Variants in PLEKHB2 observed in about 807,000 individuals in gnomAD.
PLEKHB2 encodes pleckstrin homology domain containing B2.
In PLEKHB2, 31 loss-of-function variants were observed where a neutral mutation model predicts 36.5. The ratio of observed to expected loss-of-function variants is 0.85; its 90% CI spans 0.64 to 1.15. The LOEUF is 1.15. Ranked by LOEUF, PLEKHB2 falls within the 50% of genes most tolerant of loss-of-function variation. The pLI, the probability that PLEKHB2 is intolerant of heterozygous loss-of-function variation, is 0.00. For missense variants in PLEKHB2, 262 were observed against 295.3 expected, an observed-to-expected ratio of 0.89 and a Z score of 0.83; for synonymous variants, 119 against 112.0, an observed-to-expected ratio of 1.06 and a Z score of -0.39.
intron 5 of PLEKHB2, among the ~76,000 whole-genome samples, chr2:131,131,504 C>T (rs1023548526): frequency 6.6e-6 from 1 of 152,158 alleles, no homozygotes; most frequent in Non-Finnish European, 1.5e-5. Context: ...CTGTCTTTAT[C>T]TGTCAGTGAT....
intron 6 of PLEKHB2, among the ~76,000 whole-genome samples, chr2:131,138,036 T>C (rs942788833): frequency 2.0e-5 from 3 of 149,288 alleles, no homozygotes; most frequent in Admixed American, 6.7e-5. Context: ...TTTTTTTTTT[T>C]ACTTCAATCT....
chr2:131,131,709 T>G (rs1271695934), intron 5 of PLEKHB2, among the ~76,000 whole-genome samples: 1 of 151,902 alleles, frequency 6.6e-6, no homozygotes, highest in Non-Finnish European at 1.5e-5. Flanking sequence ...ACAACTTCAT[T>G]CTAAGCTTAC....
At chr2:131,129,339 A>G (rs1218488651) in intron 4 of PLEKHB2, among the ~76,000 whole-genome samples, 2 of 150,420 alleles carry the variant, frequency 1.3e-5, no homozygotes, top group East Asian at 3.9e-4. Flanking sequence ...AAAAAAAAAA[A>G]AAAAAAAAAA....
intron 7 of PLEKHB2, among the ~76,000 whole-genome samples, chr2:131,145,957 T>C (rs1186202438): frequency 2.0e-5 from 3 of 151,286 alleles, no homozygotes; most frequent in Non-Finnish European, 4.4e-5. Flanking sequence ...CCGACGCGGG[T>C]GGATTACGAG....
chr2:131,121,667 A>G (rs1196357722), intron 2 of PLEKHB2, among the ~76,000 whole-genome samples: 1 of 152,206 alleles, frequency 6.6e-6, no homozygotes, highest in Non-Finnish European at 1.5e-5. Context: ...GCAGTGACTC[A>G]GATTCTCAAA....
chr2:131,118,118 T>C (rs1242046789), intron 1 of PLEKHB2, among the ~76,000 whole-genome samples: 2 of 152,178 alleles, frequency 1.3e-5, no homozygotes. Context: ...TGAGCTCTGC[T>C]GTCTCTGCGT....
intron 4 of PLEKHB2, 92 bp downstream of exon 4, chr2:131,126,878 T>G: frequency 1.4e-6 from 1 of 732,616 alleles, no homozygotes; most frequent in South Asian, 1.6e-5. Flanking sequence ...GCGTGGAGTT[T>G]TCTTTCAGGC....
At chr2:131,144,387 T>G (rs1298664782) in intron 7 of PLEKHB2, 33 of 1,212,868 alleles carry the variant, frequency 2.7e-5, no homozygotes, top group Non-Finnish European at 3.3e-5. Context: ...TTGGTTGGAG[T>G]CTTCTATTTC....
chr2:131,106,089 G>T (rs1418545593), intron 1 of PLEKHB2, among the ~76,000 whole-genome samples: 1 of 152,124 alleles, frequency 6.6e-6, no homozygotes, highest in Non-Finnish European at 1.5e-5. Flanking sequence ...GTTTGATTCT[G>T]TTACTCAACT....
At chr2:131,121,997 CA>C (rs1228182312) in intron 2 of PLEKHB2, among the ~76,000 whole-genome samples, 4 of 152,160 alleles carry the variant, frequency 2.6e-5, no homozygotes, top group Non-Finnish European at 5.9e-5. Context: ...CTCCCAGGTT[CA>C]AGTAATTCTC....
intron 6 of PLEKHB2, among the ~76,000 whole-genome samples, chr2:131,139,032 G>A (rs2104951674): frequency 6.6e-6 from 1 of 152,350 alleles, no homozygotes; most frequent in Middle Eastern, 3.4e-3. Flanking sequence ...GCTGATGTGA[G>A]GCTGAAGGCT....
chr2:131,119,544 T>G (rs964762957), intron 1 of PLEKHB2, among the ~76,000 whole-genome samples: 3 of 152,274 alleles, frequency 2.0e-5, no homozygotes, highest in Non-Finnish European at 4.4e-5. Flanking sequence ...CCGCGAGTGT[T>G]TATATATATA....
chr2:131,114,589 T>C (rs1293106304), intron 1 of PLEKHB2, among the ~76,000 whole-genome samples: 1 of 152,214 alleles, frequency 6.6e-6, no homozygotes, highest in Non-Finnish European at 1.5e-5. Context: ...TGCTTCTTCT[T>C]GAAGGCTTTG....
intron 6 of PLEKHB2, among the ~76,000 whole-genome samples, chr2:131,133,992 T>C (rs1004971336): frequency 9.1e-5 from 13 of 143,132 alleles, no homozygotes; most frequent in Non-Finnish European, 1.7e-4. Context: ...CTCCGCCTCC[T>C]GGGTTCTCGG....
chr2:131,106,360 G>A (rs1694733671), intron 1 of PLEKHB2, among the ~76,000 whole-genome samples: 1 of 152,136 alleles, frequency 6.6e-6, no homozygotes, highest in African/African-American at 2.4e-5. Flanking sequence ...ATATTCCAAG[G>A]TCTTCTGTGG....
chr2:131,107,216 T>C (rs1336980229), intron 1 of PLEKHB2, among the ~76,000 whole-genome samples: 2 of 152,240 alleles, frequency 1.3e-5, no homozygotes, highest in Non-Finnish European at 2.9e-5. Flanking sequence ...TTAAAAATGC[T>C]CCCAAAGTGG....
intron 4 of PLEKHB2, among the ~76,000 whole-genome samples, chr2:131,127,825 T>C (rs1371459784): frequency 6.6e-6 from 1 of 152,238 alleles, no homozygotes; most frequent in Non-Finnish European, 1.5e-5. Context: ...TGATTAAGTG[T>C]AAGTTACTTT....
At chr2:131,125,690 TGG>T (rs1697014371) in intron 2 of PLEKHB2, 61 bp from the exon 3 acceptor site, 1 of 1,431,728 alleles carries the variant, frequency 7.0e-7, no homozygotes, top group Non-Finnish European at 9.5e-7. Context: ...CATTCCAACT[TGG>T]GCGAAATAGT....
chr2:131,115,000 A>G (rs1695709645), intron 1 of PLEKHB2, among the ~76,000 whole-genome samples: 1 of 152,220 alleles, frequency 6.6e-6, no homozygotes, highest in African/African-American at 2.4e-5. Context: ...TCACGCTGCT[A>G]ATAAAGATAT....
Sources: gnomAD v4.1 joint callset for allele counts (sites outside exome capture counted in the v4.1 genomes callset) on GRCh38, gnomAD v4.1.1 for gene constraint, MANE v1.5 for transcripts, NCBI Gene and HGNC (gene_info 2026-07-23, HGNC 2026-07-21) for gene names.